PSMG2: variants seen among roughly 807,000 people sequenced by gnomAD.
PSMG2 encodes the protein proteasome assembly chaperone 2, also known as CD40 ligand-activated specific transcript 3.
PSMG2 carries 21 observed loss-of-function variants against 31.5 expected under a neutral mutation model. The ratio of observed to expected loss-of-function variants is 0.67; its 90% confidence interval spans 0.47 to 0.96. The LOEUF is 0.96. PSMG2 is among the 40% of genes least tolerant of loss of function. The probability of loss-of-function intolerance (pLI) is 0.00; values close to 1 mark genes in which losing one functional copy is unlikely to be tolerated. For synonymous variants in PSMG2, 120 were observed against 110.4 expected (o/e 1.09, Z -0.54); for missense variants, 318 against 321.2 (o/e 0.99, Z 0.08).
chr18:12,699,541 C>A (rs756753471), upstream of PSMG2, among the ~76,000 whole-genome samples: 1 of 152,272 alleles, frequency 6.6e-6, no homozygotes, highest in Non-Finnish European at 1.5e-5. Context: ...ATCAATTCAG[C>A]AAGTGTATTT....
Position 12,686,464 on chromosome 18 carries a change from G to C in PSMG2, c.-36-20086G>C, listed in dbSNP as rs7239380. 1.6e-3 allele frequency: 2,508 copies of C among 1,572,202 alleles called. 47 individuals are homozygous for C. In the African/African-American group the frequency reaches 0.029, roughly 18 times the overall value. ...CCCATTTTCATCCTAGGGAAAAGGG[G>C]AAAAACATCTGTAATGACATATTAA... On this transcript the variant is annotated intron_variant, in intron 1 of 6. Coordinates refer to the PSMG2 transcript ENST00000585331.
intron 1 of PSMG2, among the ~76,000 whole-genome samples, chr18:12,678,789 C>G (rs1403113876): frequency 6.6e-6 from 1 of 152,024 alleles, no homozygotes; most frequent in Non-Finnish European, 1.5e-5. Flanking sequence ...AACCCCGTCT[C>G]TGCTAAAAAT....
intron 3 of PSMG2, among the ~76,000 whole-genome samples, chr18:12,714,834 C>T (rs934845941): frequency 3.3e-5 from 5 of 151,332 alleles, no homozygotes; most frequent in African/African-American, 7.3e-5. Context: ...GCCTCGCAAG[C>T]AGCTGGATTA....
At chr18:12,667,970 T>C (rs1342904295) in intron 1 of PSMG2, among the ~76,000 whole-genome samples, 1 of 149,458 alleles carries the variant, frequency 6.7e-6, no homozygotes, top group Non-Finnish European at 1.5e-5. Flanking sequence ...ATAATAACAT[T>C]AAATGTGAAT....
At chr18:12,698,817 A>C (rs113722838), upstream of PSMG2, 530 of 600,770 alleles carry the variant, frequency 8.8e-4, 1 homozygote, top group African/African-American at 9.1e-3. Flanking sequence ...AGAATATTGC[A>C]AGAAGGTGGA....
At chr18:12,691,465 G>C (rs545985521) in intron 1 of PSMG2, 2 of 1,597,108 alleles carry the variant, frequency 1.3e-6, no homozygotes, top group South Asian at 2.3e-5. Context: ...TTTCTCTGCA[G>C]TTTTCTGACG....
chr18:12,685,160 C>G (rs1763891819), intron 1 of PSMG2: 1 of 152,038 alleles, frequency 6.6e-6, no homozygotes, highest in African/African-American at 2.4e-5. Context: ...GCCACCACAC[C>G]ACGCTAATTT....
At chr18:12,725,342 A>T in intron 6 of PSMG2, 97 bp from the exon 7 acceptor site, 1 of 968,354 alleles carries the variant, frequency 1.0e-6, no homozygotes, top group East Asian at 2.8e-5. Flanking sequence ...AAAAGTGCCA[A>T]CCAAAAGGAA....
At chr18:12,670,132 C>G (rs1248536632) in intron 1 of PSMG2, among the ~76,000 whole-genome samples, 1 of 152,120 alleles carries the variant, frequency 6.6e-6, no homozygotes, top group Non-Finnish European at 1.5e-5. Context: ...GAGTTCGCGA[C>G]CAGCCTGGGC....
At chr18:12,690,076 A>G (rs1368783215) in intron 1 of PSMG2, among the ~76,000 whole-genome samples, 1 of 141,126 alleles carries the variant, frequency 7.1e-6, no homozygotes, top group Admixed American at 6.9e-5. Context: ...GGCGTGAGCC[A>G]CCGCGCCCGG....
upstream of PSMG2, chr18:12,699,325 A>G (rs568394412): frequency 6.1e-6 from 4 of 654,132 alleles, no homozygotes; most frequent in Admixed American, 1.2e-4. Context: ...AAAAAAAGCA[A>G]AAGAGTAACA....
intron 1 of PSMG2, 56 bp downstream of exon 1, chr18:12,703,220 C>T: frequency 2.0e-6 from 3 of 1,536,460 alleles, no homozygotes; most frequent in South Asian, 2.4e-5. Context: ...GCGGTGTCGC[C>T]ACCCCGACGC....
chr18:12,709,542 A>G lies in PSMG2; in HGVS notation c.229+2821A>G, dbSNP rs1352042048. The stretch of plus-strand genomic sequence containing the variant: ...ACAGAGAGTTTTGCTCTTGTTGCCC[A>G]GGCTGTAGTGCAATGCCACGATTTT... On this transcript the variant is annotated intron_variant, in intron 2 of 6. Coordinates refer to ENST00000317615, the MANE Select transcript of PSMG2 (RefSeq NM_020232.5). Among the ~76,000 whole-genome samples the G allele has an allele frequency of 8.0e-5, 12 of 150,014 alleles. No individual in the cohort carries two copies. The Admixed American group carries it at 8.0e-4, about 10-fold the overall frequency.
chr18:12,720,476 G>C (rs2040420473), intron 4 of PSMG2, 34 bp from the exon 5 acceptor site: 1 of 1,505,308 alleles, frequency 6.6e-7, no homozygotes, highest in Non-Finnish European at 8.9e-7. Context: ...TTGCTTTAGA[G>C]TTTTTAAAAA....
chr18:12,694,619 T>C (rs544471850), intron 1 of PSMG2, among the ~76,000 whole-genome samples: 5 of 152,162 alleles, frequency 3.3e-5, no homozygotes, highest in African/African-American at 9.6e-5. Flanking sequence ...CAGCAAGCTT[T>C]CAATAAACGC....
At chr18:12,673,464 G>T (rs2039002572) in intron 1 of PSMG2, 9 of 1,588,678 alleles carry the variant, frequency 5.7e-6, no homozygotes, top group Non-Finnish European at 7.7e-6. Context: ...GTCGCACTTG[G>T]TCTCCACGGC....
chr18:12,708,757 G>C (rs1479945162), intron 2 of PSMG2, among the ~76,000 whole-genome samples: 1 of 142,448 alleles, frequency 7.0e-6, no homozygotes, highest in Non-Finnish European at 1.5e-5. Context: ...CCAGGCTGGA[G>C]TGCAATGGCA....
At chr18:12,706,359 C>T (rs577851356) in intron 1 of PSMG2, among the ~76,000 whole-genome samples, 191 bp from the exon 2 acceptor site, 1 of 152,182 alleles carries the variant, frequency 6.6e-6, no homozygotes, top group African/African-American at 2.4e-5. Flanking sequence ...TGGTGGTGCG[C>T]GCCTATAATC....
At chr18:12,714,399 T>G (rs2040358283) in intron 3 of PSMG2, among the ~76,000 whole-genome samples, 1 of 152,190 alleles carries the variant, frequency 6.6e-6, no homozygotes, top group Non-Finnish European at 1.5e-5. Flanking sequence ...CGAAATTCAT[T>G]TTCTTAGAGA....
Sources: allele counts gnomAD v4.1 joint callset (sites outside exome capture counted in the v4.1 genomes callset), GRCh38; gene constraint gnomAD v4.1.1; transcripts MANE v1.5; gene names NCBI Gene and HGNC (gene_info 2026-07-23, HGNC 2026-07-21).